Variants in ITPRID1 observed in about 807,000 individuals in gnomAD.
ITPRID1 encodes protein ITPRID1.
A neutral mutation model predicts 95.4 loss-of-function variants in ITPRID1; 96 were observed. The observed-to-expected ratio is 1.01, with a 90% confidence interval of 0.85 to 1.19. The LOEUF (loss-of-function observed/expected upper bound fraction) is 1.19, where lower values mean the gene tolerates loss of function less well. Among genes scored for constraint, ITPRID1 ranks in the 50% most tolerant of loss-of-function variants. The pLI is 0.00. For missense variants in ITPRID1, 1,339 were observed against 1,252.9 expected (o/e 1.07, Z -1.04); for synonymous variants, 510 against 453.6 (o/e 1.12, Z -1.58).
intron 10 of ITPRID1, among the ~76,000 whole-genome samples, chr7:31,600,966 G>A (rs1174192984): frequency 1.3e-5 from 2 of 152,118 alleles, no homozygotes; most frequent in South Asian, 4.1e-4. Context: ...CTAGTGGGTT[G>A]GGGGAGAGCC....
chr7:31,579,793 TG>T (rs1785328783), intron 9 of ITPRID1, among the ~76,000 whole-genome samples: 1 of 152,104 alleles, frequency 6.6e-6, no homozygotes. Context: ...ATATATGCCT[TG>T]TATAAAAATT....
chr7:31,573,827 A>G (rs1785079794), intron 7 of ITPRID1, among the ~76,000 whole-genome samples: 1 of 150,488 alleles, frequency 6.6e-6, no homozygotes, highest in Admixed American at 6.6e-5. Context: ...ACAAAATTAA[A>G]TAATTTAGAT....
At chr7:31,638,861 C>A (rs1254306458) in intron 10 of ITPRID1, among the ~76,000 whole-genome samples, 1 of 152,156 alleles carries the variant, frequency 6.6e-6, no homozygotes, top group African/African-American at 2.4e-5. Flanking sequence ...ACTACAACCT[C>A]CACCTCCCAG....
chr7:31,516,531 A>G (rs891133563), intron 1 of ITPRID1, among the ~76,000 whole-genome samples: 1 of 152,210 alleles, frequency 6.6e-6, no homozygotes, highest in Non-Finnish European at 1.5e-5. Context: ...TAGAGATGCC[A>G]TAGCTCAGGA....
At chr7:31,551,708 A>G (rs1246983337) in intron 2 of ITPRID1, among the ~76,000 whole-genome samples, 1 of 143,790 alleles carries the variant, frequency 7.0e-6, no homozygotes, top group East Asian at 2.2e-4. Context: ...ACGCTCACCT[A>G]TTCTTGAAAG....
downstream of ITPRID1, among the ~76,000 whole-genome samples, chr7:31,658,040 A>G (rs964932201): frequency 1.3e-5 from 2 of 152,204 alleles, no homozygotes; most frequent in African/African-American, 4.8e-5. Flanking sequence ...TTGAGAAACA[A>G]TACTTGGAAA....
intron 10 of ITPRID1, among the ~76,000 whole-genome samples, chr7:31,625,243 T>A (rs1355805421): frequency 1.3e-5 from 2 of 150,008 alleles, no homozygotes; most frequent in African/African-American, 4.9e-5. Context: ...GAATTACAAA[T>A]ACCATTTGAC....
intron 1 of ITPRID1, among the ~76,000 whole-genome samples, chr7:31,543,085 T>G (rs891261071): frequency 5.3e-5 from 8 of 152,110 alleles, no homozygotes; most frequent in African/African-American, 1.7e-4. Context: ...ATTTCCCAAC[T>G]GGGTTATTGG....
At chr7:31,640,702 A>T (rs979452845) in intron 10 of ITPRID1, among the ~76,000 whole-genome samples, 2 of 152,046 alleles carry the variant, frequency 1.3e-5, no homozygotes, top group Non-Finnish European at 2.9e-5. Context: ...TAGGAGGAAA[A>T]ATCTAGTCCC....
At chr7:31,539,471 C>A (rs1449913979) in intron 1 of ITPRID1, among the ~76,000 whole-genome samples, 1 of 152,178 alleles carries the variant, frequency 6.6e-6, no homozygotes, top group African/African-American at 2.4e-5. Flanking sequence ...TGAGGCACTG[C>A]ACTTGACAGG....
chr7:31,630,681 T>C (rs1788912281), intron 10 of ITPRID1, among the ~76,000 whole-genome samples: 1 of 152,082 alleles, frequency 6.6e-6, no homozygotes, highest in Admixed American at 6.6e-5. Context: ...AGACTAAATA[T>C]ATAGCTTATG....
intron 12 of ITPRID1, among the ~76,000 whole-genome samples, chr7:31,646,174 T>C (rs746346190): frequency 1.3e-5 from 2 of 152,180 alleles, no homozygotes; most frequent in Non-Finnish European, 2.9e-5. Context: ...AATAACAAAA[T>C]TGTGTTCAAA....
At chr7:31,556,086 G>A (rs937585700) in intron 5 of ITPRID1, among the ~76,000 whole-genome samples, 5 of 151,970 alleles carry the variant, frequency 3.3e-5, no homozygotes, top group African/African-American at 9.7e-5. Flanking sequence ...GCCTGGCACT[G>A]GTTCTGGAGT....
intron 10 of ITPRID1, among the ~76,000 whole-genome samples, chr7:31,604,652 C>T (rs1351361532): frequency 1.3e-5 from 2 of 152,258 alleles, no homozygotes; most frequent in African/African-American, 2.4e-5. Context: ...ACCACTACCA[C>T]CCACCCCTAG....
Position 31,611,473 on chromosome 7 carries a change from A to C in ITPRID1, c.1228+28282A>C, listed in dbSNP as rs928071742. Reference sequence around the variant, plus strand: ...CTGAGTTGTTGTCTAGTGTTTTTTCACTCCCACCTGAAGGACTTTCATTAG... The same window carrying C: ...CTGAGTTGTTGTCTAGTGTTTTTTCCCTCCCACCTGAAGGACTTTCATTAG... On this transcript the variant is annotated intron_variant, in intron 10 of 14. Transcript: ENST00000615280. Among the ~76,000 whole-genome samples, 5 of 151,390 alleles carry C rather than the reference A, an allele frequency of 3.3e-5. No individual in the cohort carries two copies. In the East Asian group the frequency reaches 9.7e-4, roughly 29 times the overall value.
At chr7:31,624,290 C>G (rs1788222509) in intron 10 of ITPRID1, among the ~76,000 whole-genome samples, 2 of 143,204 alleles carry the variant, frequency 1.4e-5, no homozygotes, top group South Asian at 4.8e-4. Flanking sequence ...TCATATGGAA[C>G]CAAAAAAGAG....
intron 1 of ITPRID1, among the ~76,000 whole-genome samples, chr7:31,548,515 G>A (rs1001899891): frequency 6.6e-6 from 1 of 152,158 alleles, no homozygotes; most frequent in African/African-American, 2.4e-5. Context: ...GAAAGAAGAT[G>A]AAGGGACATT....
At chr7:31,609,965 GAT>G (rs1175507910) in intron 10 of ITPRID1, among the ~76,000 whole-genome samples, 2 of 151,222 alleles carry the variant, frequency 1.3e-5, no homozygotes, top group African/African-American at 4.8e-5. Context: ...CATACATTTT[GAT>G]ATGTTTTGTT....
chr7:31,640,642 C>CTT (rs71557497), intron 10 of ITPRID1, among the ~76,000 whole-genome samples: 1 of 147,202 alleles, frequency 6.8e-6, no homozygotes, highest in Non-Finnish European at 1.5e-5. Flanking sequence ...TCTCGAAAAA[C>CTT]TTTTTTTTTT....
Sources: gnomAD v4.1 joint callset for allele counts (sites outside exome capture counted in the v4.1 genomes callset) on GRCh38, gnomAD v4.1.1 for gene constraint, MANE v1.5 for transcripts, NCBI Gene and HGNC (gene_info 2026-07-23, HGNC 2026-07-21) for gene names.